Variants in PSD3 observed in about 807,000 individuals in gnomAD.
The protein encoded by PSD3 is pleckstrin and Sec7 domain containing 3.
A neutral mutation model predicts 105.5 loss-of-function variants in PSD3; 49 were observed. The ratio of observed to expected loss-of-function variants is 0.46; its 90% CI spans 0.37 to 0.59. PSD3 has a LOEUF of 0.59. Ranked by LOEUF, PSD3 falls within the 20% of genes least tolerant of loss-of-function variation. PSD3 has a pLI of 0.00. For missense variants in PSD3, 1,561 were observed against 1,263.8 expected (o/e 1.24, Z -3.57); for synonymous variants, 557 against 457.8 (o/e 1.22, Z -2.77).
chr8:18,608,839 A>C (rs983686118), intron 11 of PSD3, among the ~76,000 whole-genome samples: 3 of 152,168 alleles, frequency 2.0e-5, no homozygotes, highest in African/African-American at 7.2e-5. Context: ...ATACTCTCCA[A>C]CTTTTCTTCT....
At chr8:18,864,897 A>G (rs1816709313) in intron 4 of PSD3, 1 of 152,078 alleles carries the variant, frequency 6.6e-6, no homozygotes, top group South Asian at 2.1e-4. Flanking sequence ...TGCTTTAAAA[A>G]TGTGTGGAAA....
At chr8:18,653,731 C>A (rs1808690677) in intron 10 of PSD3, among the ~76,000 whole-genome samples, 1 of 151,610 alleles carries the variant, frequency 6.6e-6, no homozygotes, top group Non-Finnish European at 1.5e-5. Flanking sequence ...ACTCCGACTA[C>A]CTATAAATGA....
intron 9 of PSD3, among the ~76,000 whole-genome samples, chr8:18,659,184 G>A (rs1017094565): frequency 2.0e-5 from 3 of 152,190 alleles, no homozygotes; most frequent in East Asian, 3.9e-4. Context: ...CCTGAACTTC[G>A]CAGCCTCCCC....
intron 2 of PSD3, among the ~76,000 whole-genome samples, chr8:18,903,062 GTGAAAGGATTGGA>G (rs1355157397): frequency 7.2e-5 from 11 of 152,158 alleles, no homozygotes; most frequent in African/African-American, 2.7e-4. Flanking sequence ...CTTGCTGTCT[GTGAAAGGATTGGA>G]TGTAAGTTGC....
At chr8:19,067,250 C>T (rs538399104) in intron 1 of PSD3, among the ~76,000 whole-genome samples, 4 of 152,258 alleles carry the variant, frequency 2.6e-5, no homozygotes, top group South Asian at 2.1e-4. Flanking sequence ...TACAGTAGTG[C>T]TACCTGAAAT....
intron 1 of PSD3, among the ~76,000 whole-genome samples, chr8:18,975,197 G>A (rs75229068): frequency 0.047 from 7,127 of 151,956 alleles, 355 homozygotes; most frequent in African/African-American, 0.12. Context: ...TAGTCCCCCC[G>A]TTTTCTACAT....
At chr8:18,563,283 C>G (rs1364737705) in intron 14 of PSD3, among the ~76,000 whole-genome samples, 1 of 152,094 alleles carries the variant, frequency 6.6e-6, no homozygotes, top group Non-Finnish European at 1.5e-5. Flanking sequence ...ATAATGCCCA[C>G]AAAACCTAAC....
At chr8:19,076,361 A>T (rs1263474349) in intron 1 of PSD3, among the ~76,000 whole-genome samples, 1 of 152,202 alleles carries the variant, frequency 6.6e-6, no homozygotes, top group Non-Finnish European at 1.5e-5. Context: ...TTAGAAAAGG[A>T]TGTTAGAGGT....
In PSD3 at chr8:18,793,998, G is replaced by T. The variant is rs1334903404; in HGVS notation, c.2082+5297C>A. Among the ~76,000 whole-genome samples, 2 of 14,590 alleles carry T rather than the reference G, an allele frequency of 1.4e-4. 1 individual carries two copies. The highest frequency in any genetic ancestry group is 1.1e-3 in the East Asian group (2 of 1,828). 9.6% of individuals were successfully genotyped at this position (14,590 alleles called of 152,430 possible). A position where few individuals can be genotyped will look rare whatever the true frequency, so the allele number is the denominator to read the frequency against. ...GATTGTTACTGTGTCTGTGTAGAAA[G>T]AAGTAGACATAGGAGACTCCATTTT... is the stretch of plus-strand genomic sequence containing the variant. On this transcript the variant is annotated intron_variant, in intron 8 of 15. Transcript: ENST00000327040.
At chr8:18,564,573 G>T (rs755912119) in intron 14 of PSD3, among the ~76,000 whole-genome samples, 2 of 151,112 alleles carry the variant, frequency 1.3e-5, no homozygotes, top group Non-Finnish European at 2.9e-5. Context: ...AGGTTGCAGT[G>T]AGCCAAGATG....
intron 1 of PSD3, among the ~76,000 whole-genome samples, chr8:18,973,898 C>T (rs1824788977): frequency 6.6e-6 from 1 of 152,186 alleles, no homozygotes; most frequent in Non-Finnish European, 1.5e-5. Context: ...GAGGTCGATA[C>T]TGCTATTATG....
At chr8:18,989,224 G>A (rs1370853911) in intron 1 of PSD3, 4 of 152,196 alleles carry the variant, frequency 2.6e-5, no homozygotes, top group Admixed American at 2.0e-4. Flanking sequence ...TGTTCTAGAA[G>A]CCATTTTTTG....
chr8:18,667,359 G>A (rs2130897612), intron 9 of PSD3, among the ~76,000 whole-genome samples: 1 of 152,168 alleles, frequency 6.6e-6, no homozygotes, highest in Non-Finnish European at 1.5e-5. Context: ...TACAAACCCT[G>A]AGCTAGACAC....
At chr8:19,017,647 A>G (rs957358888), upstream of PSD3, among the ~76,000 whole-genome samples, 4 of 152,188 alleles carry the variant, frequency 2.6e-5, no homozygotes, top group Admixed American at 2.0e-4. Flanking sequence ...TTTCATATAA[A>G]TGGAATCATA....
chr8:18,955,297 G>A (rs1466517996), intron 1 of PSD3, among the ~76,000 whole-genome samples: 1 of 152,172 alleles, frequency 6.6e-6, no homozygotes, highest in Admixed American at 6.5e-5. Context: ...CTGGAATGCA[G>A]TGGCACGATC....
chr8:18,917,895 A>T (rs1820728013), intron 2 of PSD3, among the ~76,000 whole-genome samples: 1 of 152,112 alleles, frequency 6.6e-6, no homozygotes, highest in African/African-American at 2.4e-5. Flanking sequence ...ATTTTGTCTA[A>T]GCCACCGGTG....
At chr8:18,954,579 T>A (rs918870001) in intron 1 of PSD3, among the ~76,000 whole-genome samples, 1 of 152,080 alleles carries the variant, frequency 6.6e-6, no homozygotes, top group African/African-American at 2.4e-5. Flanking sequence ...AGAGTTCTGG[T>A]CGGAGAAGAA....
At chr8:18,849,662 A>G (rs1367676343) in intron 4 of PSD3, 1 of 152,204 alleles carries the variant, frequency 6.6e-6, no homozygotes, top group Admixed American at 6.5e-5. Flanking sequence ...TTACAAATCT[A>G]CTATCAGCCA....
At chr8:18,801,555 G>A (rs1204578158) in intron 6 of PSD3, among the ~76,000 whole-genome samples, 173 bp from the exon 7 acceptor site, 1 of 152,124 alleles carries the variant, frequency 6.6e-6, no homozygotes, top group Non-Finnish European at 1.5e-5. Context: ...AATATAAATT[G>A]GTATTAGTAT....
Sources: gnomAD v4.1 joint callset for allele counts (sites outside exome capture counted in the v4.1 genomes callset) on GRCh38, gnomAD v4.1.1 for gene constraint, MANE v1.5 for transcripts, NCBI Gene and HGNC (gene_info 2026-07-23, HGNC 2026-07-21) for gene names.